DGKG: variants seen among roughly 807,000 people sequenced by gnomAD.
DGKG encodes diacylglycerol kinase gamma.
In DGKG, 78 loss-of-function variants were observed where a neutral mutation model predicts 105.3. The observed-to-expected ratio is 0.74, with a 90% CI of 0.62 to 0.89. The LOEUF (loss-of-function observed/expected upper bound fraction) is 0.89, where lower values mean the gene tolerates loss of function less well. Ranked by LOEUF, DGKG falls within the 40% of genes least tolerant of loss-of-function variation. DGKG has a pLI of 0.00. For missense variants in DGKG, 958 were observed against 1,020.1 expected (o/e 0.94, Z 0.83); for synonymous variants, 346 against 367.1 (o/e 0.94, Z 0.66).
At position 186,257,908 on chromosome 3, in the gene DGKG, G is replaced by A. The variant is rs760665571; in HGVS notation, c.1456C>T (p.Arg486Cys). ...CCATCTCCACCACAGGCCAAAACAC[G>A]GAAGTCTGGAGTATCACGGAAAAAG... ...LNFFRDTPDF[R>C]VLACGGDGTV... is the part of the protein sequence containing the mutation. Residue 486 changes from arginine to cysteine, a missense_variant, in exon 17 of 25, where the codon CGT becomes TGT. By Grantham distance (180) the Arg-to-Cys change is radical. Around this residue, in one of 2 missense-constraint regions of DGKG, gnomAD observed 315 missense variants for 400.6 expected, o/e 0.79. Coordinates refer to ENST00000265022, the MANE Select transcript of DGKG (RefSeq NM_001346.3). The A allele has an allele frequency of 1.5e-5, 25 of 1,613,988 alleles. No homozygotes were observed. The highest frequency in any genetic ancestry group is 6.7e-5 in the East Asian group (3 of 44,886).
chr3:186,270,899 C>T lies in DGKG; in HGVS notation c.999+1356G>A, dbSNP rs190516177. Among the ~76,000 whole-genome samples the T allele has an allele frequency of 1.1e-3, 163 of 152,342 alleles. 1 individual carries two copies. The highest frequency in any genetic ancestry group is 3.8e-3 in the African/African-American group (156 of 41,582). Reference sequence around the variant, plus strand: ...CCCCTCATTGGCCTCACTCTGTTCTCTGTGTGACAGGTGGCCAGAGTGCAG... The same window carrying T: ...CCCCTCATTGGCCTCACTCTGTTCTTTGTGTGACAGGTGGCCAGAGTGCAG... On this transcript the variant is annotated intron_variant, in intron 11 of 24. Transcript: ENST00000265022.
intron 1 of DGKG, among the ~76,000 whole-genome samples, chr3:186,337,674 G>A (rs1429119917): frequency 6.6e-6 from 1 of 151,988 alleles, no homozygotes; most frequent in Non-Finnish European, 1.5e-5. Flanking sequence ...GAATAGAAAA[G>A]GCAAATCTGT....
intron 3 of DGKG, among the ~76,000 whole-genome samples, chr3:186,302,161 T>C (rs926183843): frequency 1.3e-5 from 2 of 152,126 alleles, no homozygotes; most frequent in Non-Finnish European, 2.9e-5. Flanking sequence ...TCTGCATTGA[T>C]ATATAGTTGT....
chr3:186,188,193 C>G lies in DGKG; in HGVS notation c.2095+9G>C, dbSNP rs1388404727. Reference sequence around the variant, plus strand: ...TGACCTAAAACAATTATCCTCATTCCTGGCTTACCTTGAACGCAGAATTTC... The same window carrying G: ...TGACCTAAAACAATTATCCTCATTCGTGGCTTACCTTGAACGCAGAATTTC... On this transcript the variant is annotated intron_variant, in intron 22 of 24. Transcript: ENST00000265022. The G allele has an allele frequency of 1.5e-5, 24 of 1,614,000 alleles. No homozygotes were observed. The highest frequency in any genetic ancestry group is 1.9e-5 in the Non-Finnish European group (23 of 1,180,000).
chr3:186,155,497 C>T (rs1715993433), intron 24 of DGKG, among the ~76,000 whole-genome samples: 1 of 152,170 alleles, frequency 6.6e-6, no homozygotes, highest in Non-Finnish European at 1.5e-5. Flanking sequence ...CAGCTGAAAC[C>T]TTTCCCTAAA....
At chr3:186,287,423 G>A (rs1246698524) in intron 6 of DGKG, among the ~76,000 whole-genome samples, 4 of 152,202 alleles carry the variant, frequency 2.6e-5, no homozygotes, top group African/African-American at 7.2e-5. Flanking sequence ...GTTGATAATT[G>A]TTGAAACTGG....
chr3:186,150,197 A>G lies in DGKG; in HGVS notation c.2278-9T>C. The G allele has an allele frequency of 6.2e-7, 1 of 1,606,394 alleles. No individual in the cohort carries two copies. Among genetic ancestry groups the G allele is most frequent in the Non-Finnish European group, 8.5e-7 (1 of 1,175,458 alleles). ...TTGTGAGTAATTTTAATCTAAAAGC[A>G]AAGAGGCAGAAATGAATTAGTGGCA... On this transcript the variant is annotated splice_polypyrimidine_tract_variant and intron_variant, in intron 24 of 24. Transcript: ENST00000265022.
intron 20 of DGKG, among the ~76,000 whole-genome samples, chr3:186,228,165 G>C (rs376812162): frequency 4.2e-4 from 64 of 152,228 alleles, no homozygotes; most frequent in African/African-American, 1.5e-3. Flanking sequence ...CAACCAAATA[G>C]CATGCTTTAA....
chr3:186,347,000 AT>A (rs1726366772), intron 1 of DGKG, among the ~76,000 whole-genome samples: 1 of 152,150 alleles, frequency 6.6e-6, no homozygotes, highest in East Asian at 1.9e-4. Flanking sequence ...ACTTTTAGCT[AT>A]AGTTTAATAC....
intron 22 of DGKG, among the ~76,000 whole-genome samples, chr3:186,181,810 G>T (rs1427889775): frequency 1.3e-5 from 2 of 152,240 alleles, no homozygotes; most frequent in Admixed American, 6.5e-5. Context: ...TCACTGAGAG[G>T]AAAGTTGCTT....
intron 23 of DGKG, among the ~76,000 whole-genome samples, chr3:186,162,239 G>A (rs945437551): frequency 6.6e-5 from 10 of 152,148 alleles, no homozygotes; most frequent in African/African-American, 2.2e-4. Context: ...CTACTGCCTC[G>A]GTCCTCAGAC....
At chr3:186,258,348 C>T (rs1218857000) in intron 16 of DGKG, among the ~76,000 whole-genome samples, 6 of 152,192 alleles carry the variant, frequency 3.9e-5, no homozygotes, top group Non-Finnish European at 1.5e-5. Context: ...TGGATCTTCT[C>T]TTCACTCTCC....
chr3:186,227,840 T>A (rs1719928109), intron 20 of DGKG, among the ~76,000 whole-genome samples: 1 of 152,168 alleles, frequency 6.6e-6, no homozygotes, highest in South Asian at 2.1e-4. Context: ...AATATGCTAA[T>A]CACATCAGCC....
intron 5 of DGKG, among the ~76,000 whole-genome samples, chr3:186,292,762 C>T (rs1005848189): frequency 9.2e-5 from 14 of 151,808 alleles, no homozygotes; most frequent in South Asian, 2.1e-4. Context: ...GAACTGCGAT[C>T]GTGCCACTGC....
intron 7 of DGKG, chr3:186,281,131 T>G: frequency 5.7e-6 from 1 of 175,808 alleles, no homozygotes. Context: ...TTATCACTCA[T>G]CCCCACAGCT....
At position 186,257,873 on chromosome 3, in the gene DGKG, G is replaced by T; in HGVS notation, c.1491C>A (p.Gly497=). ...VLACGGDGTV[G]WILDCIDKAN... ...GCTTACCAATGCAATCCAAAATCCAGCCAACTGTCCCATCTCCACCACAGG... is the reference window on the plus strand; with the variant it reads ...GCTTACCAATGCAATCCAAAATCCATCCAACTGTCCCATCTCCACCACAGG... The change falls in exon 17 of 25, where the codon GGC becomes GGA. Residue 497 remains glycine, a synonymous_variant. Transcript: ENST00000265022. 3 of 1,613,892 alleles carry T rather than the reference G, an allele frequency of 1.9e-6. No homozygotes were observed. In the South Asian group the frequency reaches 3.3e-5, roughly 18 times the overall value.
intron 9 of DGKG, 197 bp downstream of exon 9, chr3:186,279,654 T>C (rs1261576365): frequency 7.8e-6 from 4 of 515,476 alleles, no homozygotes; most frequent in Non-Finnish European, 1.4e-5. Context: ...AGTAATAATG[T>C]AGTAAATGTC....
intron 1 of DGKG, among the ~76,000 whole-genome samples, chr3:186,339,608 TC>T (rs1309144608): frequency 6.6e-6 from 1 of 152,178 alleles, no homozygotes; most frequent in Non-Finnish European, 1.5e-5. Context: ...CTATTTCATT[TC>T]CCCCAAATCT....
At chr3:186,346,131 T>C (rs746601171) in intron 1 of DGKG, among the ~76,000 whole-genome samples, 18 of 152,226 alleles carry the variant, frequency 1.2e-4, no homozygotes, top group Non-Finnish European at 2.4e-4. Flanking sequence ...TTTGCTTCAG[T>C]ACTAGTTGCC....
Sources: allele counts gnomAD v4.1 joint callset (sites outside exome capture counted in the v4.1 genomes callset), GRCh38; gene constraint gnomAD v4.1.1; regional missense constraint gnomAD v4.1.1; transcripts MANE v1.5; gene names NCBI Gene and HGNC (gene_info 2026-07-23, HGNC 2026-07-21).